FIRRM: variants seen among roughly 807,000 people sequenced by gnomAD.
The protein encoded by FIRRM is FIGNL1 interacting regulator of recombination and mitosis.
the FIRRM span, among the ~76,000 whole-genome samples, chr1:169,839,390 A>G: frequency 2.0e-5 from 3 of 152,194 alleles, no homozygotes; most frequent in Non-Finnish European, 2.9e-5. Context: ...CCAACAGTAT[A>G]TAAGCATTTA....
chr1:169,812,856 C>CA, the FIRRM span, among the ~76,000 whole-genome samples: 487 of 114,090 alleles, frequency 4.3e-3, 3 homozygotes, highest in Admixed American at 0.021. Context: ...GACTCCATCT[C>CA]AAAAAAAAAA....
chr1:169,813,918 T>C, the FIRRM span, among the ~76,000 whole-genome samples: 6 of 152,260 alleles, frequency 3.9e-5, no homozygotes, highest in Non-Finnish European at 7.4e-5. Context: ...TTGGGAGAAA[T>C]GTTTTGTGCC....
At chr1:169,793,652 T>C in the FIRRM span, 3 of 1,612,494 alleles carry the variant, frequency 1.9e-6, no homozygotes, top group South Asian at 1.1e-5. Flanking sequence ...TGTTAATTCA[T>C]TTTCCAGATG....
At chr1:169,843,753 C>T in the FIRRM span, 3 of 1,600,292 alleles carry the variant, frequency 1.9e-6, no homozygotes, top group Non-Finnish European at 2.6e-6. Flanking sequence ...ACTCTAGATC[C>T]TAAACTGATA....
the FIRRM span, chr1:169,830,196 T>G: frequency 1.5e-6 from 2 of 1,337,204 alleles, no homozygotes; most frequent in Non-Finnish European, 2.1e-6. Flanking sequence ...TTGAGAAATA[T>G]AATATTATTG....
chr1:169,827,844 G>C, the FIRRM span: 32 of 1,613,476 alleles, frequency 2.0e-5, no homozygotes, highest in Non-Finnish European at 2.7e-5. Context: ...CAACCAGGTA[G>C]CAAACATGTT....
the FIRRM span, among the ~76,000 whole-genome samples, chr1:169,813,302 T>A: frequency 6.6e-6 from 1 of 152,214 alleles, no homozygotes; most frequent in Non-Finnish European, 1.5e-5. Flanking sequence ...GTTTAATAAC[T>A]TTCCCCAGAT....
the FIRRM span, among the ~76,000 whole-genome samples, chr1:169,818,018 C>A: frequency 1.3e-5 from 2 of 152,062 alleles, no homozygotes; most frequent in Non-Finnish European, 2.9e-5. Flanking sequence ...CAGCGTTATC[C>A]TATTTAACTT....
chr1:169,792,836 T>TGAG, the FIRRM span: 3 of 1,613,792 alleles, frequency 1.9e-6, no homozygotes, highest in East Asian at 6.7e-5. Context: ...AATGAGATCA[T>TGAG]ATTTTACAAA....
chr1:169,852,144 T>G, the FIRRM span: 11 of 640,618 alleles, frequency 1.7e-5, 1 homozygote. Context: ...TTCAGTATGT[T>G]TGAATTATTG....
chr1:169,794,167 T>TA, the FIRRM span, among the ~76,000 whole-genome samples: 5,022 of 152,190 alleles, frequency 0.033, 111 homozygotes, highest in Non-Finnish European at 0.047. Context: ...TGGACAAACA[T>TA]AAAGTCCAAG....
At chr1:169,827,680 G>A in the FIRRM span, 5 of 1,611,512 alleles carry the variant, frequency 3.1e-6, no homozygotes, top group Non-Finnish European at 4.2e-6. Context: ...TCAGATTTCT[G>A]CTGAATTAAT....
the FIRRM span, among the ~76,000 whole-genome samples, chr1:169,785,880 T>C: frequency 6.6e-6 from 1 of 152,236 alleles, no homozygotes; most frequent in African/African-American, 2.4e-5. Flanking sequence ...AGACCAATTA[T>C]GGGTAAAATA....
chr1:169,795,332 C>G, the FIRRM span: 4 of 1,410,850 alleles, frequency 2.8e-6, no homozygotes, highest in Non-Finnish European at 3.8e-6. Flanking sequence ...GCCTGAACCC[C>G]CTCTTTTCTT....
the FIRRM span, among the ~76,000 whole-genome samples, chr1:169,816,596 T>TTC: frequency 6.6e-6 from 1 of 152,210 alleles, no homozygotes; most frequent in Admixed American, 6.5e-5. Context: ...GGAACTCTGT[T>TTC]TCATAAGGAA....
the FIRRM span, chr1:169,804,366 A>G: frequency 1.2e-6 from 1 of 830,180 alleles, no homozygotes; most frequent in African/African-American, 1.8e-5. Flanking sequence ...AATCTTACCA[A>G]ATAAATTTTT....
the FIRRM span, chr1:169,796,102 G>C: frequency 6.2e-3 from 2,576 of 412,476 alleles, 67 homozygotes; most frequent in African/African-American, 0.051. Flanking sequence ...CAAATATTGT[G>C]CAGCTAAAGC....
chr1:169,833,515 A>G, the FIRRM span, among the ~76,000 whole-genome samples: 1 of 152,224 alleles, frequency 6.6e-6, no homozygotes, highest in South Asian at 2.1e-4. Flanking sequence ...ATGTATAACT[A>G]TTTTGAAAAA....
At chr1:169,815,686 C>G in the FIRRM span, among the ~76,000 whole-genome samples, 1 of 152,152 alleles carries the variant, frequency 6.6e-6, no homozygotes, top group Non-Finnish European at 1.5e-5. Flanking sequence ...TCTTTGTGAC[C>G]TGTCTTGTGC....
Sources: gnomAD v4.1 joint callset for allele counts (sites outside exome capture counted in the v4.1 genomes callset) on GRCh38, gnomAD v4.1.1 for gene constraint, MANE v1.5 for transcripts, NCBI Gene and HGNC (gene_info 2026-07-23, HGNC 2026-07-21) for gene names.